Variants in CHD1 observed in about 807,000 individuals in gnomAD.
CHD1 encodes chromodomain helicase DNA binding protein 1.
In CHD1, 36 loss-of-function variants were observed where a neutral mutation model predicts 224.2. The observed-to-expected ratio is 0.16, with a 90% CI of 0.12 to 0.21. CHD1 has a LOEUF of 0.21. Among genes scored for constraint, CHD1 ranks in the 10% least tolerant of loss-of-function variants. The pLI, the probability that CHD1 is intolerant of heterozygous loss-of-function variation, is 1.00. For synonymous variants in CHD1, 668 were observed against 658.3 expected, an observed-to-expected ratio of 1.01 and a Z score of -0.23; for missense variants, 1,378 against 1,994.8, an observed-to-expected ratio of 0.69 and a Z score of 5.89.
intron 28 of CHD1, among the ~76,000 whole-genome samples, chr5:98,871,768 A>T (rs1407077800): frequency 4.1e-4 from 63 of 152,160 alleles, no homozygotes; most frequent in Admixed American, 4.1e-3. Flanking sequence ...TGCATCAAAA[A>T]TTTTTTTAAA....
chr5:98,859,215 T>C lies in CHD1; in HGVS notation c.4525-200A>G, dbSNP rs547238214. On this transcript the variant is annotated intron_variant, in intron 33 of 35. Coordinates refer to ENST00000614616, the MANE Select transcript of CHD1 (RefSeq NM_001270.4). Reference sequence around the variant, plus strand: ...CTACTTGTCCCATGACTTAAAGATATTTTTTCATTTTGAAATAAATTGACT... The same window carrying C: ...CTACTTGTCCCATGACTTAAAGATACTTTTTCATTTTGAAATAAATTGACT... Among the ~76,000 whole-genome samples, 43 of 152,250 alleles carry C rather than the reference T, an allele frequency of 2.8e-4. No individual in the cohort carries two copies. In the Middle Eastern group the frequency reaches 0.014, roughly 48 times the overall value.
rs199682478 is a variant in CHD1, at chr5:98,858,359, G to A, written c.4608C>T (p.His1536=). 8.7e-6 allele frequency: 14 copies of A among 1,612,514 alleles called. No individual in the cohort carries two copies. Among genetic ancestry groups the A allele is most frequent in the South Asian group, 5.5e-5 (5 of 91,034 alleles). ...DVERLKENTN[H]DDSSRDSYSS... ...AATAACTGTCCCTGCTGCTATCATC[G>A]TGATTTGTATTCTCTTTTAATCTTT... Residue 1536 remains histidine (H), a synonymous_variant, in exon 35 of 36, where the codon CAC becomes CAT. Coordinates refer to ENST00000614616, the MANE Select transcript of CHD1 (RefSeq NM_001270.4).
intron 2 of CHD1, among the ~76,000 whole-genome samples, chr5:98,911,552 T>C (rs543578866): frequency 6.6e-6 from 1 of 152,234 alleles, no homozygotes; most frequent in Non-Finnish European, 1.5e-5. Context: ...CTGTAACAGA[T>C]GAATTAGAAA....
intron 24 of CHD1, among the ~76,000 whole-genome samples, chr5:98,875,964 A>AT (rs1194945607): frequency 6.6e-6 from 1 of 152,194 alleles, no homozygotes; most frequent in Non-Finnish European, 1.5e-5. Flanking sequence ...CTACTTGAAC[A>AT]TATCAGAAAT....
intron 26 of CHD1, among the ~76,000 whole-genome samples, chr5:98,873,236 CATT>C (rs776729408): frequency 1.3e-5 from 2 of 152,046 alleles, no homozygotes; most frequent in African/African-American, 4.8e-5. Context: ...TGTATATTTG[CATT>C]ATATTTTCCC....
chr5:98,865,216 A>G (rs947944788), intron 31 of CHD1, among the ~76,000 whole-genome samples: 3 of 152,328 alleles, frequency 2.0e-5, no homozygotes, highest in Middle Eastern at 3.4e-3. Flanking sequence ...CTTGTTTGAC[A>G]TGTTTTTTAA....
chr5:98,882,963 A>G, intron 19 of CHD1, 125 bp downstream of exon 19: 1 of 565,930 alleles, frequency 1.8e-6, no homozygotes, highest in Non-Finnish European at 2.7e-6. Flanking sequence ...TCAGTATCCT[A>G]TCGGTTAAAC....
At chr5:98,902,432 A>G (rs1022205571) in intron 5 of CHD1, among the ~76,000 whole-genome samples, 18 of 152,246 alleles carry the variant, frequency 1.2e-4, no homozygotes, top group Middle Eastern at 3.4e-3. Context: ...GAGAATCTGA[A>G]GTATTCTTAA....
intron 17 of CHD1, among the ~76,000 whole-genome samples, chr5:98,887,023 G>C (rs1392104133): frequency 6.6e-6 from 1 of 152,110 alleles, no homozygotes; most frequent in East Asian, 1.9e-4. Context: ...AAGAGGAATA[G>C]CTAAAGGCTA....
rs975345844 is a variant in CHD1, at chr5:98,928,736, G to T, written c.-346C>A. On this transcript the variant is annotated 5_prime_UTR_variant, in exon 1 of 36. Transcript: ENST00000614616. ...GCAGCACCAACGCGCGATCCCCTGC[G>T]GAGTGGAGCTAACAATTCATTATTG... 2 of 154,054 alleles carry T rather than the reference G, an allele frequency of 1.3e-5. No individual in the cohort carries two copies. Among genetic ancestry groups the T allele is most frequent in the Admixed American group, 6.5e-5 (1 of 15,286 alleles). 9.5% of individuals were successfully genotyped at this position (154,054 alleles called of 1,614,324 possible). A position where few individuals can be genotyped will look rare whatever the true frequency, so the allele number is the denominator to read the frequency against.
chr5:98,860,240 T>C (rs908569607), intron 32 of CHD1, 172 bp from the exon 33 acceptor site: 2 of 601,860 alleles, frequency 3.3e-6, no homozygotes, highest in Admixed American at 2.3e-5. Context: ...ACTTCATATA[T>C]GACTAAGACT....
chr5:98,889,245 A>G lies in CHD1; in HGVS notation c.2181-7T>C. 6.4e-7 allele frequency: 1 copy of G among 1,555,952 alleles called. No individual in the cohort carries two copies. The highest frequency in any genetic ancestry group is 8.7e-7 in the Non-Finnish European group (1 of 1,154,740). On this transcript the variant is annotated splice_region_variant and splice_polypyrimidine_tract_variant and intron_variant, in intron 15 of 35. Coordinates refer to ENST00000614616, the MANE Select transcript of CHD1 (RefSeq NM_001270.4). ...ATTCCTAGTTAAAATCCATCTTAAA[A>G]AAAAAAATTATGAAAACGATGTTTA... is the stretch of plus-strand genomic sequence containing the variant.
At chr5:98,859,184 C>T (rs330422) in intron 33 of CHD1, among the ~76,000 whole-genome samples, 169 bp from the exon 34 acceptor site, 50,249 of 151,888 alleles carry the variant, frequency 0.33, 9,918 homozygotes, top group African/African-American at 0.55. Context: ...ATTTTTAAAG[C>T]ATGAACTACT....
intron 2 of CHD1, among the ~76,000 whole-genome samples, chr5:98,925,543 C>T (rs1753399335): frequency 6.6e-6 from 1 of 152,192 alleles, no homozygotes; most frequent in South Asian, 2.1e-4. Context: ...CCAGTGCCCA[C>T]ATTCCTAATT....
At chr5:98,860,226 C>T (rs1748362150) in intron 32 of CHD1, 158 bp from the exon 33 acceptor site, 1 of 629,660 alleles carries the variant, frequency 1.6e-6, no homozygotes, top group Non-Finnish European at 3.0e-6. Context: ...TGCATTTTTT[C>T]AAAACTTCAT....
chr5:98,858,399 T>A lies in CHD1; in HGVS notation c.4577-9A>T. The A allele has an allele frequency of 6.2e-7, 1 of 1,601,324 alleles. No homozygotes were observed. The highest frequency in any genetic ancestry group is 8.5e-7 in the Non-Finnish European group (1 of 1,169,842). ...TTTTAATCTTTCCACATCTGTTAGA[T>A]AAGTACAACTTTTATTAATGACCTT... is the stretch of plus-strand genomic sequence containing the variant. On this transcript the variant is annotated splice_polypyrimidine_tract_variant and intron_variant, in intron 34 of 35. Transcript: ENST00000614616.
intron 2 of CHD1, among the ~76,000 whole-genome samples, chr5:98,916,202 A>G (rs768935008): frequency 2.0e-5 from 3 of 152,130 alleles, no homozygotes; most frequent in Non-Finnish European, 4.4e-5. Context: ...TAAAAAATAA[A>G]TAAATAAAAG....
At chr5:98,864,043 A>G (rs1748672042) in intron 31 of CHD1, among the ~76,000 whole-genome samples, 1 of 152,228 alleles carries the variant, frequency 6.6e-6, no homozygotes. Context: ...AACCTTTGTG[A>G]TAACAGAAGG....
Position 98,903,778 on chromosome 5 carries a change from T to G in CHD1, c.372+14A>C, listed in dbSNP as rs960876841. On this transcript the variant is annotated intron_variant, in intron 4 of 35. Transcript: ENST00000614616. The stretch of plus-strand genomic sequence containing the variant: ...TGTCCACTTTTAAAATAATAGCTCA[T>G]GATGAAAATGCACCTCTTCTGATCC... 1 of 1,551,032 alleles carries G rather than the reference T, an allele frequency of 6.4e-7. No individual in the cohort carries two copies. Among genetic ancestry groups the G allele is most frequent in the African/African-American group, 1.4e-5 (1 of 73,800 alleles).
Sources: allele counts gnomAD v4.1 joint callset (sites outside exome capture counted in the v4.1 genomes callset), GRCh38; gene constraint gnomAD v4.1.1; transcripts MANE v1.5; gene names NCBI Gene and HGNC (gene_info 2026-07-23, HGNC 2026-07-21).